MORN1: variants seen among roughly 807,000 people sequenced by gnomAD.
MORN1 encodes MORN repeat-containing protein 1.
MORN1 carries 67 observed loss-of-function variants against 61.9 expected under a neutral mutation model. The observed-to-expected ratio is 1.08, with a 90% CI of 0.89 to 1.33. The LOEUF (loss-of-function observed/expected upper bound fraction) is 1.33, where lower values mean the gene tolerates loss of function less well. Ranked by LOEUF, MORN1 falls within the 40% of genes most tolerant of loss-of-function variation. The pLI is 0.00. For synonymous variants in MORN1, 301 were observed against 292.0 expected (o/e 1.03, Z -0.31); for missense variants, 752 against 691.2 (o/e 1.09, Z -0.99).
intron 10 of MORN1, among the ~76,000 whole-genome samples, chr1:2,354,698 C>G (rs566186169): frequency 1.3e-5 from 2 of 152,290 alleles, no homozygotes; most frequent in Non-Finnish European, 2.9e-5. Flanking sequence ...GGCCAGCATG[C>G]GCACTCAGTC....
At chr1:2,331,358 G>A (rs1016717408) in intron 12 of MORN1, among the ~76,000 whole-genome samples, 10 of 152,226 alleles carry the variant, frequency 6.6e-5, no homozygotes, top group Non-Finnish European at 7.4e-5. Flanking sequence ...TTGGCCCCAC[G>A]TGGCCACAGG....
chr1:2,370,153 A>T (rs1236134974), intron 8 of MORN1, among the ~76,000 whole-genome samples: 1 of 152,358 alleles, frequency 6.6e-6, no homozygotes, highest in African/African-American at 2.4e-5. Flanking sequence ...CAGGATAGAC[A>T]GATCAGTGGA....
At position 2,340,788 on chromosome 1, in the gene MORN1, G is replaced by A. The variant is rs971150243; in HGVS notation, c.1037-3938C>T. Reference sequence around the variant, plus strand: ...CGAGGGCCGCCACACAGGCCACCACGCAGGGCACGATGAGGGCCGCCATAC... The same window carrying A: ...CGAGGGCCGCCACACAGGCCACCACACAGGGCACGATGAGGGCCGCCATAC... On this transcript the variant is annotated intron_variant, in intron 10 of 13. Transcript: ENST00000378531. Among the ~76,000 whole-genome samples the A allele has an allele frequency of 5.9e-5, 9 of 151,772 alleles. No homozygotes were observed. In the South Asian group the frequency reaches 1.2e-3, roughly 21 times the overall value.
intron 10 of MORN1, among the ~76,000 whole-genome samples, chr1:2,345,460 G>A (rs1243806915): frequency 1.3e-5 from 2 of 152,216 alleles, no homozygotes; most frequent in Admixed American, 6.5e-5. Flanking sequence ...CTCACCCTAC[G>A]TGGCTCTGAA....
chr1:2,361,155 G>C (rs1320953594), intron 8 of MORN1, among the ~76,000 whole-genome samples: 1 of 152,098 alleles, frequency 6.6e-6, no homozygotes, highest in Non-Finnish European at 1.5e-5. Flanking sequence ...TACTGAAACC[G>C]GTCCAAAACT....
intron 10 of MORN1, among the ~76,000 whole-genome samples, chr1:2,348,844 C>A (rs1481950059): frequency 1.3e-5 from 2 of 152,104 alleles, no homozygotes; most frequent in East Asian, 3.9e-4. Context: ...CGCACACCTG[C>A]GCGGGCACGC....
intron 12 of MORN1, 29 bp from the exon 13 acceptor site, chr1:2,324,172 A>C (rs1352730852): frequency 6.3e-7 from 1 of 1,584,206 alleles, no homozygotes; most frequent in Admixed American, 1.8e-5. Flanking sequence ...GAGGCCCCTG[A>C]ATGCCCTGCC....
chr1:2,374,386 A>C, intron 7 of MORN1, 75 bp downstream of exon 7: 1 of 1,347,374 alleles, frequency 7.4e-7, no homozygotes, highest in Non-Finnish European at 1.0e-6. Flanking sequence ...AGTGTTTCCC[A>C]TATGGCTGCC....
chr1:2,337,592 C>T lies in MORN1; in HGVS notation c.1037-742G>A, dbSNP rs1213550675. Among the ~76,000 whole-genome samples, 1 of 152,200 alleles carries T rather than the reference C, an allele frequency of 6.6e-6. No individual in the cohort carries two copies. On this transcript the variant is annotated intron_variant, in intron 10 of 13. Transcript: ENST00000378531. The surrounding 1 kb of genome is among the most constrained non-coding windows in gnomAD (Gnocchi z 5.7). ...AGGGCCCACCCTGCTGTCTCTTTTA[C>T]AAGGATGGTCAGTGGCTGAGCCTGA... is the stretch of plus-strand genomic sequence containing the variant.
intron 10 of MORN1, chr1:2,351,755 G>C (rs1369431184): frequency 1.8e-6 from 1 of 555,888 alleles, no homozygotes; most frequent in African/African-American, 1.9e-5. Flanking sequence ...TCATATGCTT[G>C]TCAAAAGCCT....
chr1:2,374,514 G>C lies in MORN1; in HGVS notation c.581C>G (p.Ala194Gly). The part of the protein sequence containing the change: ...SDVFSGLGSM[A>G]HCSGVTYYGL... ...ATAATAGGTGACCCCTGAGCAGTGG[G>C]CCATGCTGCCCAGTCCACTGAAGAC... The change falls in exon 7 of 14, where the codon GCC becomes GGC. Residue 194 changes from alanine to glycine, a missense_variant. Transcript: ENST00000378531. 6.2e-7 allele frequency: 1 copy of C among 1,603,692 alleles called. No homozygotes were observed. Among genetic ancestry groups the C allele is most frequent in the Non-Finnish European group, 8.5e-7 (1 of 1,175,816 alleles).
chr1:2,368,951 G>A (rs1471580814), intron 8 of MORN1, among the ~76,000 whole-genome samples: 1 of 151,970 alleles, frequency 6.6e-6, no homozygotes, highest in African/African-American at 2.4e-5. Context: ...CAGCTACTTG[G>A]GAGGCTGAGG....
In MORN1 at chr1:2,321,499, G is replaced by A. The variant is rs369325745; in HGVS notation, c.1378C>T (p.Arg460Trp). 2.0e-5 allele frequency: 30 copies of A among 1,528,054 alleles called. No homozygotes were observed. Among genetic ancestry groups the A allele is most frequent in the African/African-American group, 8.3e-5 (6 of 72,178 alleles). The allele number at this position is 1,528,054 out of a possible 1,614,324, so 94.7% of individuals were successfully genotyped here. A position where few individuals can be genotyped will look rare whatever the true frequency, so the allele number is the denominator to read the frequency against. ...RRLPPAFKHL[R>W]VVAKRAGQPP... is the part of the protein sequence containing the mutation. The stretch of plus-strand genomic sequence containing the variant: ...TGGCCAGCCCTCTTCGCTACGACCC[G>A]CAGGTGTTTGAAGGCCGGGGGCAGC... Residue 460 changes from arginine (R) to tryptophan (W), a missense_variant, in exon 14 of 14, where the codon CGG (arginine) becomes TGG (tryptophan). Transcript: ENST00000378531.
chr1:2,334,130 C>T lies in MORN1; in HGVS notation c.1250+2339G>A, dbSNP rs1194693154. 6.6e-6 allele frequency among the ~76,000 whole-genome samples: 1 copy of T among 151,936 alleles called. No homozygotes were observed. The highest frequency in any genetic ancestry group is 2.4e-5 in the African/African-American group (1 of 41,342). ...TAAGAGGGGGCCATCACACAAACAC[C>T]CAGATGGGTTGTGGGGGGTTTTGGC... On this transcript the variant is annotated intron_variant, in intron 12 of 13. Transcript: ENST00000378531. The surrounding 1 kb of genome is among the most constrained non-coding windows in gnomAD (Gnocchi z 5.4).
chr1:2,347,938 G>A (rs184300434), intron 10 of MORN1, among the ~76,000 whole-genome samples: 3 of 152,190 alleles, frequency 2.0e-5, no homozygotes, highest in Non-Finnish European at 4.4e-5. Flanking sequence ...CCACATCCTC[G>A]AGTGCATTTT....
Position 2,390,923 on chromosome 1 carries a change from T to C in MORN1, c.76+535A>G, listed in dbSNP as rs1239632568. Among the ~76,000 whole-genome samples the C allele has an allele frequency of 3.3e-5, 5 of 152,286 alleles. No individual in the cohort carries two copies. The East Asian group carries it at 9.7e-4, about 29-fold the overall frequency. On this transcript the variant is annotated intron_variant, in intron 1 of 13. Coordinates refer to ENST00000378531, the MANE Select transcript of MORN1 (RefSeq NM_024848.3). ...CCACCCCGGGCCAATTTTTGTATTT[T>C]TTAGTAGAGACCGGGTTTCGCCATG...
intron 12 of MORN1, among the ~76,000 whole-genome samples, chr1:2,331,793 C>T (rs1641153690): frequency 6.6e-6 from 1 of 152,112 alleles, no homozygotes; most frequent in South Asian, 2.1e-4. Flanking sequence ...ACCACTGCCG[C>T]TCCTCTCCCG....
intron 12 of MORN1, among the ~76,000 whole-genome samples, chr1:2,325,287 C>CCTCTCTCTCTCTCTCTCTCCT (rs59175712): frequency 1.5e-5 from 2 of 136,458 alleles, no homozygotes; most frequent in East Asian, 4.4e-4. Flanking sequence ...CTCTCTCTCT[C>CCTCTCTCTCTCTCTCTCTCCT]CTCTCTCTCT....
intron 8 of MORN1, among the ~76,000 whole-genome samples, chr1:2,360,084 C>T (rs1292954660): frequency 6.6e-6 from 1 of 152,170 alleles, no homozygotes; most frequent in Non-Finnish European, 1.5e-5. Flanking sequence ...TGGGGCTACC[C>T]CCAATCATCA....
Sources: gnomAD v4.1 joint callset for allele counts (sites outside exome capture counted in the v4.1 genomes callset) on GRCh38, gnomAD v4.1.1 for gene constraint, Gnocchi (gnomAD v3.1) non-coding constraint, MANE v1.5 for transcripts, NCBI Gene and HGNC (gene_info 2026-07-23, HGNC 2026-07-21) for gene names.